Variants in AGBL4 observed in about 807,000 individuals in gnomAD.
The protein encoded by AGBL4 is cytosolic carboxypeptidase 6.
In AGBL4, 58 loss-of-function variants were observed where a neutral mutation model predicts 66.4. The ratio of observed to expected loss-of-function variants is 0.87; its 90% CI spans 0.71 to 1.09. The LOEUF (loss-of-function observed/expected upper bound fraction) is 1.09. AGBL4 is among the 50% of genes least tolerant of loss of function. The probability of loss-of-function intolerance (pLI) is 0.00; values close to 1 mark genes in which losing one functional copy is unlikely to be tolerated. For synonymous variants in AGBL4, 234 were observed against 222.9 expected, an observed-to-expected ratio of 1.05 and a Z score of -0.44; for missense variants, 579 against 631.0, an observed-to-expected ratio of 0.92 and a Z score of 0.88.
rs377007303 is a variant in AGBL4, at chr1:48,586,803, G to A, written c.1267+201C>T. 1.6e-5 allele frequency: 10 copies of A among 617,226 alleles called. No individual in the cohort carries two copies. The African/African-American group carries it at 1.9e-4, about 12-fold the overall frequency. 38.2% of individuals were successfully genotyped at this position (617,226 alleles called of 1,614,324 possible). ...CTGGCCTGGGAAAGATTTGGAGCAT[G>A]GCAATTGGGGTAGGAGTATCATACT... On this transcript the variant is annotated intron_variant, in intron 11 of 13. Coordinates refer to ENST00000371839, the MANE Select transcript of AGBL4 (RefSeq NM_032785.4).
At chr1:50,013,704 T>C (rs192869547) in intron 1 of AGBL4, among the ~76,000 whole-genome samples, 2 of 152,334 alleles carry the variant, frequency 1.3e-5, no homozygotes, top group Non-Finnish European at 1.5e-5. Context: ...TTCTTCCTAA[T>C]ATGTTTATGA....
intron 2 of AGBL4, among the ~76,000 whole-genome samples, chr1:49,774,795 G>A (rs769173989): frequency 3.9e-5 from 6 of 152,130 alleles, no homozygotes; most frequent in Admixed American, 3.3e-4. Context: ...CTGTTGTTAA[G>A]AGTATAAACT....
intron 6 of AGBL4, chr1:48,761,131 A>G (rs994600740): frequency 3.6e-6 from 2 of 550,062 alleles, no homozygotes; most frequent in Non-Finnish European, 6.4e-6. Context: ...GCTTGGTGGC[A>G]CAGCATGAAT....
At chr1:49,211,292 T>C (rs977926276) in intron 4 of AGBL4, among the ~76,000 whole-genome samples, 2 of 152,094 alleles carry the variant, frequency 1.3e-5, no homozygotes, top group Non-Finnish European at 2.9e-5. Context: ...CAGTTCTCAT[T>C]CATCCACAAC....
intron 3 of AGBL4, among the ~76,000 whole-genome samples, chr1:49,507,728 T>C (rs1479066985): frequency 1.3e-5 from 2 of 151,944 alleles, no homozygotes; most frequent in Non-Finnish European, 2.9e-5. Context: ...GGTATGAATT[T>C]AATAACTCTC....
chr1:49,743,135 A>G (rs927224683), intron 2 of AGBL4, among the ~76,000 whole-genome samples: 1 of 152,192 alleles, frequency 6.6e-6, no homozygotes, highest in African/African-American at 2.4e-5. Flanking sequence ...ATGGGAGAAG[A>G]TTTTTGCAAT....
At chr1:48,528,185 C>T (rs1008211679), downstream of AGBL4, among the ~76,000 whole-genome samples, 6 of 152,244 alleles carry the variant, frequency 3.9e-5, no homozygotes, top group African/African-American at 1.4e-4. Flanking sequence ...TCAGGTCTAT[C>T]TGACTCAGAG....
rs995952983 is a variant in AGBL4, at chr1:49,917,784, C to T, written c.35-66266G>A. On this transcript the variant is annotated intron_variant, in intron 1 of 13. Coordinates refer to ENST00000371839, the MANE Select transcript of AGBL4 (RefSeq NM_032785.4). ...ACCACAAATCAACAGAATATACATT[C>T]TTCTCAGCACCACACCACACCTATT... Among the ~76,000 whole-genome samples, 5 of 152,298 alleles carry T rather than the reference C, an allele frequency of 3.3e-5. No homozygotes were observed. The East Asian group carries it at 7.7e-4, about 24-fold the overall frequency.
At chr1:49,743,002 A>C (rs1650655907) in intron 2 of AGBL4, among the ~76,000 whole-genome samples, 1 of 152,228 alleles carries the variant, frequency 6.6e-6, no homozygotes, top group African/African-American at 2.4e-5. Flanking sequence ...CAAGGACTTC[A>C]TGTCTAAAAC....
intron 3 of AGBL4, among the ~76,000 whole-genome samples, chr1:49,260,941 A>G (rs1388218236): frequency 6.7e-6 from 1 of 149,206 alleles, no homozygotes; most frequent in Non-Finnish European, 1.5e-5. Flanking sequence ...TCAGCAGCAC[A>G]TCAAAAAGCT....
At chr1:48,591,464 G>C (rs956721483) in intron 9 of AGBL4, among the ~76,000 whole-genome samples, 2 of 152,098 alleles carry the variant, frequency 1.3e-5, no homozygotes, top group African/African-American at 4.8e-5. Flanking sequence ...TGGGAAGCTT[G>C]GTGTAAATCA....
At chr1:49,916,860 A>G (rs1036419566) in intron 1 of AGBL4, among the ~76,000 whole-genome samples, 2 of 152,238 alleles carry the variant, frequency 1.3e-5, no homozygotes, top group African/African-American at 4.8e-5. Context: ...CACAAAGGGA[A>G]GCCCATCAGA....
intron 3 of AGBL4, among the ~76,000 whole-genome samples, chr1:49,336,850 A>G (rs1049222949): frequency 1.3e-5 from 2 of 152,196 alleles, no homozygotes; most frequent in African/African-American, 4.8e-5. Context: ...CAGGTGCCCA[A>G]TAAATGCTTG....
intron 3 of AGBL4, among the ~76,000 whole-genome samples, chr1:49,389,927 C>G (rs918950116): frequency 2.6e-5 from 4 of 152,166 alleles, no homozygotes; most frequent in African/African-American, 7.2e-5. Context: ...GTAGAATTCT[C>G]AAGCACAGGC....
At chr1:48,713,163 A>G (rs1646994000) in intron 6 of AGBL4, among the ~76,000 whole-genome samples, 1 of 152,172 alleles carries the variant, frequency 6.6e-6, no homozygotes, top group Admixed American at 6.5e-5. Context: ...TGAGACAGGG[A>G]GGGAAACAAA....
chr1:48,641,825 G>C (rs1645759684), intron 8 of AGBL4, among the ~76,000 whole-genome samples: 1 of 152,166 alleles, frequency 6.6e-6, no homozygotes, highest in Non-Finnish European at 1.5e-5. Context: ...ATTATACTCT[G>C]TCTTAGCAGT....
intron 4 of AGBL4, among the ~76,000 whole-genome samples, chr1:49,197,426 G>T (rs1647317970): frequency 6.6e-6 from 1 of 152,184 alleles, no homozygotes; most frequent in African/African-American, 2.4e-5. Context: ...TCAACCTCCA[G>T]GCCAGTAGGT....
chr1:49,067,759 T>C (rs1367780491), intron 4 of AGBL4, among the ~76,000 whole-genome samples: 1 of 152,210 alleles, frequency 6.6e-6, no homozygotes, highest in African/African-American at 2.4e-5. Context: ...CTTTATTTAT[T>C]TATTTTTATT....
chr1:49,784,020 T>C (rs1644395431), intron 2 of AGBL4, among the ~76,000 whole-genome samples: 2 of 152,192 alleles, frequency 1.3e-5, no homozygotes, highest in South Asian at 2.1e-4. Flanking sequence ...TGTAAAGATA[T>C]CTCATGGTCA....
Sources: allele counts gnomAD v4.1 joint callset (sites outside exome capture counted in the v4.1 genomes callset), GRCh38; gene constraint gnomAD v4.1.1; transcripts MANE v1.5; gene names NCBI Gene and HGNC (gene_info 2026-07-23, HGNC 2026-07-21).